The following OPCML variants were observed in gnomAD, a reference collection of about 807,000 sequenced individuals.
The protein encoded by OPCML is opioid binding protein/cell adhesion molecule like, also known as opioid-binding protein/cell adhesion molecule.
OPCML carries 13 observed loss-of-function variants against 37.8 expected under a neutral mutation model. That is an observed-to-expected ratio of 0.34 (90% CI 0.22 to 0.55). The LOEUF is 0.55. Ranked by LOEUF, OPCML falls within the 20% of genes least tolerant of loss-of-function variation. The pLI, the probability that OPCML is intolerant of heterozygous loss-of-function variation, is 0.91. For synonymous variants in OPCML, 176 were observed against 168.8 expected (o/e 1.04, Z -0.33); for missense variants, 341 against 435.6 (o/e 0.78, Z 1.93).
chr11:132,436,291 T>C lies in OPCML; in HGVS notation c.765-54A>G, dbSNP rs556387918. The C allele has an allele frequency of 1.5e-4, 234 of 1,612,142 alleles. 1 individual carries two copies. The East Asian group carries it at 5.2e-3, about 36-fold the overall frequency. On this transcript the variant is annotated intron_variant, in intron 6 of 7. Coordinates refer to ENST00000524381, the MANE Select transcript of OPCML (RefSeq NM_001012393.5). ...TCATTCTACAAAGAGGCCCTCCTCC[T>C]CACCAAACTCTTTTCTCCAACTAAT... is the stretch of plus-strand genomic sequence containing the variant.
At chr11:133,139,860 G>C (rs1226059319) in intron 1 of OPCML, among the ~76,000 whole-genome samples, 1 of 152,080 alleles carries the variant, frequency 6.6e-6, no homozygotes, top group Non-Finnish European at 1.5e-5. Flanking sequence ...GAGGTGACTA[G>C]GGAGTCTTAA....
In OPCML at chr11:132,483,294, C is replaced by A. The variant is rs1339502232; in HGVS notation, c.505+45767G>T. On this transcript the variant is annotated intron_variant, in intron 4 of 7. Coordinates refer to ENST00000524381, the MANE Select transcript of OPCML (RefSeq NM_001012393.5). Reference sequence around the variant, plus strand: ...ACCAACAACAGACAAACAGCCAAATCATGAGTGAACTCCCATTCACAATTG... The same window carrying A: ...ACCAACAACAGACAAACAGCCAAATAATGAGTGAACTCCCATTCACAATTG... 6.8e-3 allele frequency among the ~76,000 whole-genome samples: 1,033 copies of A among 150,958 alleles called. 15 individuals carry two copies. Among genetic ancestry groups the A allele is most frequent in the African/African-American group, 0.022 (901 of 40,714 alleles).
rs112964552 is a variant in OPCML at position 132,592,756 on chromosome 11, A to G, written c.380-63570T>C. Among the ~76,000 whole-genome samples the G allele has an allele frequency of 1.3e-3, 191 of 152,338 alleles. 1 individual carries two copies. Among genetic ancestry groups the G allele is most frequent in the African/African-American group, 4.5e-3 (187 of 41,590 alleles). ...AAAAAAGGAGTGGTCCAGAATGTAC[A>G]AAGATCAAAGGAAGACCCACCAAAA... On this transcript the variant is annotated intron_variant, in intron 3 of 7. Coordinates refer to ENST00000524381, the MANE Select transcript of OPCML (RefSeq NM_001012393.5).
chr11:133,473,277 G>A (rs1002387066), intron 1 of OPCML, among the ~76,000 whole-genome samples: 1 of 152,128 alleles, frequency 6.6e-6, no homozygotes, highest in Non-Finnish European at 1.5e-5. Context: ...AGAGGCCTGA[G>A]GATGAGGAGA....
At chr11:132,950,335 A>G (rs1174779233) in intron 1 of OPCML, among the ~76,000 whole-genome samples, 1 of 152,182 alleles carries the variant, frequency 6.6e-6, no homozygotes, top group Non-Finnish European at 1.5e-5. Context: ...GCATTCCTGA[A>G]GAATAGTAGT....
At chr11:133,486,432 A>G (rs1475191718) in intron 1 of OPCML, among the ~76,000 whole-genome samples, 1 of 152,106 alleles carries the variant, frequency 6.6e-6, no homozygotes, top group Non-Finnish European at 1.5e-5. Context: ...ACAACTTCCT[A>G]CACAGTAGCC....
intron 2 of OPCML, among the ~76,000 whole-genome samples, chr11:132,767,959 A>G (rs893819997): frequency 1.3e-5 from 2 of 152,192 alleles, no homozygotes; most frequent in African/African-American, 4.8e-5. Context: ...AAGAAATTCA[A>G]AGTAGAAATC....
intron 1 of OPCML, among the ~76,000 whole-genome samples, chr11:133,230,385 C>T (rs1940227312): frequency 6.6e-6 from 1 of 150,956 alleles, no homozygotes; most frequent in African/African-American, 2.5e-5. Flanking sequence ...ATGGTCAAGG[C>T]GAGGTGCTGG....
At chr11:132,759,733 C>G (rs893994849) in intron 2 of OPCML, among the ~76,000 whole-genome samples, 1 of 151,946 alleles carries the variant, frequency 6.6e-6, no homozygotes, top group Admixed American at 6.6e-5. Flanking sequence ...TTTTGTTAAT[C>G]TTTTCTAAAA....
chr11:133,423,381 T>C, intron 1 of OPCML: 1 of 985,362 alleles, frequency 1.0e-6, no homozygotes. Flanking sequence ...GGACAGTAAC[T>C]CCAAGCTTCT....
chr11:133,051,155 T>C (rs1288659327), intron 1 of OPCML, among the ~76,000 whole-genome samples: 1 of 152,086 alleles, frequency 6.6e-6, no homozygotes, highest in African/African-American at 2.4e-5. Context: ...CACTCAGACT[T>C]ACATTCCCAT....
chr11:132,482,104 C>A (rs1220629895), intron 4 of OPCML, among the ~76,000 whole-genome samples: 2 of 148,984 alleles, frequency 1.3e-5, no homozygotes, highest in Non-Finnish European at 3.0e-5. Context: ...ACACAAAAAA[C>A]CCTTCAAAAA....
intron 1 of OPCML, among the ~76,000 whole-genome samples, chr11:133,260,938 C>T (rs1024479508): frequency 6.6e-6 from 1 of 152,088 alleles, no homozygotes; most frequent in Non-Finnish European, 1.5e-5. Context: ...AGGACAGAGG[C>T]AGAAGACTTC....
At chr11:132,967,480 GT>G (rs2136743670) in intron 1 of OPCML, among the ~76,000 whole-genome samples, 1 of 152,018 alleles carries the variant, frequency 6.6e-6, no homozygotes, top group East Asian at 1.9e-4. Flanking sequence ...GCCATTTCTT[GT>G]TTTCTTTATT....
In OPCML at chr11:133,249,162, G is replaced by A. The variant is rs949602428; in HGVS notation, c.61+283102C>T. On this transcript the variant is annotated intron_variant, in intron 1 of 7. Coordinates refer to ENST00000524381, the MANE Select transcript of OPCML (RefSeq NM_001012393.5). ...TGGGGGTAATTTATAAAGAAAAGAG[G>A]TTTCTTGGGCTAGGGATTCTACAGG... Among the ~76,000 whole-genome samples the A allele has an allele frequency of 1.1e-4, 17 of 152,276 alleles. No homozygotes were observed. In the East Asian group the frequency reaches 1.9e-3, roughly 17 times the overall value.
chr11:133,444,606 A>T (rs1465251758), intron 1 of OPCML, among the ~76,000 whole-genome samples: 1 of 152,232 alleles, frequency 6.6e-6, no homozygotes, highest in African/African-American at 2.4e-5. Context: ...TGTTGGTATT[A>T]GTCATATAAA....
At chr11:133,097,118 G>A (rs1392367810) in intron 1 of OPCML, among the ~76,000 whole-genome samples, 1 of 152,106 alleles carries the variant, frequency 6.6e-6, no homozygotes, top group African/African-American at 2.4e-5. Context: ...AGCTCATGTG[G>A]AACATTTATC....
intron 4 of OPCML, among the ~76,000 whole-genome samples, chr11:132,502,493 C>T (rs980368347): frequency 1.3e-5 from 2 of 152,162 alleles, no homozygotes; most frequent in East Asian, 3.9e-4. Context: ...TAAGCTCCTG[C>T]TCTCCTTGCA....
chr11:133,185,927 A>C (rs562543311), intron 1 of OPCML, among the ~76,000 whole-genome samples: 1 of 152,340 alleles, frequency 6.6e-6, no homozygotes, highest in South Asian at 2.1e-4. Flanking sequence ...AATTCTCAGA[A>C]GATACATGTG....
Sources: gnomAD v4.1 joint callset for allele counts (sites outside exome capture counted in the v4.1 genomes callset) on GRCh38, gnomAD v4.1.1 for gene constraint, MANE v1.5 for transcripts, NCBI Gene and HGNC (gene_info 2026-07-23, HGNC 2026-07-21) for gene names.